PCDH9: variants seen among roughly 807,000 people sequenced by gnomAD.
PCDH9 encodes the protein protocadherin 9.
PCDH9 carries 24 observed loss-of-function variants against 70.6 expected under a neutral mutation model. The observed-to-expected ratio is 0.34, with a 90% CI of 0.25 to 0.48. The LOEUF (loss-of-function observed/expected upper bound fraction) is 0.48. Among genes scored for constraint, PCDH9 ranks in the 20% least tolerant of loss-of-function variants. PCDH9 has a pLI of 0.99. For synonymous variants in PCDH9, 562 were observed against 558.5 expected, an observed-to-expected ratio of 1.01 and a Z score of -0.09; for missense variants, 1,281 against 1,503.6, an observed-to-expected ratio of 0.85 and a Z score of 2.45.
At chr13:66,558,044 A>T (rs928542645) in intron 4 of PCDH9, among the ~76,000 whole-genome samples, 3 of 152,024 alleles carry the variant, frequency 2.0e-5, no homozygotes, top group Admixed American at 6.6e-5. Flanking sequence ...AGTTCCAGCT[A>T]CTCAGGAGCC....
chr13:66,830,529 A>T (rs1047762852), intron 3 of PCDH9, among the ~76,000 whole-genome samples: 2 of 152,220 alleles, frequency 1.3e-5, no homozygotes, highest in African/African-American at 2.4e-5. Context: ...TATAACTAAA[A>T]GTATCAATTA....
intron 3 of PCDH9, among the ~76,000 whole-genome samples, chr13:66,870,937 A>C (rs1452344014): frequency 1.3e-5 from 2 of 152,148 alleles, no homozygotes; most frequent in South Asian, 4.1e-4. Flanking sequence ...ACACATGCAC[A>C]CTTATGTTTA....
chr13:66,759,268 TA>T (rs1162554122), intron 3 of PCDH9, among the ~76,000 whole-genome samples: 6 of 152,228 alleles, frequency 3.9e-5, no homozygotes, highest in Non-Finnish European at 4.4e-5. Context: ...CAGTTTTTTT[TA>T]CTTAAAGCCT....
At chr13:66,464,033 T>C (rs904559777) in intron 4 of PCDH9, among the ~76,000 whole-genome samples, 1 of 151,856 alleles carries the variant, frequency 6.6e-6, no homozygotes, top group African/African-American at 2.4e-5. Context: ...TATTTCTGTT[T>C]TACACTAGGA....
intron 4 of PCDH9, among the ~76,000 whole-genome samples, chr13:66,409,276 C>T (rs908424573): frequency 1.3e-5 from 2 of 152,286 alleles, no homozygotes; most frequent in Middle Eastern, 3.4e-3. Context: ...TGTTCCCTTA[C>T]TGTGAATTCC....
chr13:66,441,291 C>T (rs1435422644), intron 4 of PCDH9, among the ~76,000 whole-genome samples: 1 of 152,056 alleles, frequency 6.6e-6, no homozygotes, highest in Non-Finnish European at 1.5e-5. Flanking sequence ...ACCAGTGTTT[C>T]CAAAAATTAC....
chr13:67,103,329 T>C (rs1317310310), intron 2 of PCDH9, among the ~76,000 whole-genome samples: 1 of 152,196 alleles, frequency 6.6e-6, no homozygotes, highest in Non-Finnish European at 1.5e-5. Flanking sequence ...ATCAATGTGA[T>C]GATCTACAGG....
intron 4 of PCDH9, among the ~76,000 whole-genome samples, chr13:66,445,825 T>TAC (rs5804282): frequency 0.47 from 63,920 of 136,618 alleles, 16,996 homozygotes; most frequent in East Asian, 0.65. Flanking sequence ...TACACATATA[T>TAC]ACACACACAC....
chr13:67,225,644 G>A lies in PCDH9; in HGVS notation c.2797C>T (p.Pro933Ser). 1 of 1,614,126 alleles carries A rather than the reference G, an allele frequency of 6.2e-7. No individual in the cohort carries two copies. The highest frequency in any genetic ancestry group is 8.5e-7 in the Non-Finnish European group (1 of 1,180,012). Residue 933 changes from proline (P) to serine (S), a missense_variant, in exon 2 of 5, where the codon CCT (proline) becomes TCT (serine). Around this residue, in one of 4 missense-constraint regions of PCDH9, gnomAD observed 207 missense variants for 191.8 expected, o/e 1.08. Transcript: ENST00000377865. ...GATTTGTAGTGCTTGGCCAGGTCAG[G>A]ACTGTTAGGCTTGAATGTTGTTGGA... ...APPTTFKPNS[P>S]DLAKHYKSAS...
chr13:67,034,273 G>A (rs998320822), intron 2 of PCDH9, among the ~76,000 whole-genome samples: 34 of 152,024 alleles, frequency 2.2e-4, no homozygotes, highest in African/African-American at 8.0e-4. Context: ...ATGAGCCACC[G>A]TGCCCAGCCA....
At chr13:66,343,394 TATC>T (rs1402730594) in intron 4 of PCDH9, among the ~76,000 whole-genome samples, 1 of 152,178 alleles carries the variant, frequency 6.6e-6, no homozygotes, top group Non-Finnish European at 1.5e-5. Flanking sequence ...TAAATCTGCT[TATC>T]AGCATATTCA....
At chr13:67,006,641 T>C (rs1312772227) in intron 2 of PCDH9, among the ~76,000 whole-genome samples, 3 of 152,352 alleles carry the variant, frequency 2.0e-5, no homozygotes, top group Non-Finnish European at 2.9e-5. Context: ...AGAGATGTTT[T>C]AGCTGTTTAA....
At chr13:66,621,554 A>G (rs376459766) in intron 4 of PCDH9, among the ~76,000 whole-genome samples, 118 of 152,368 alleles carry the variant, frequency 7.7e-4, no homozygotes, top group Middle Eastern at 6.8e-3. Context: ...GTCGGCGTAT[A>G]TGAGTTTTAT....
intron 2 of PCDH9, among the ~76,000 whole-genome samples, chr13:67,024,031 T>C (rs981113052): frequency 2.0e-5 from 3 of 152,238 alleles, no homozygotes; most frequent in African/African-American, 7.2e-5. Flanking sequence ...ACAGTAGCTC[T>C]GGTTGCTGTA....
chr13:66,729,837 C>T (rs1305123115), intron 3 of PCDH9, among the ~76,000 whole-genome samples: 1 of 152,112 alleles, frequency 6.6e-6, no homozygotes, highest in East Asian at 1.9e-4. Flanking sequence ...CTATCCTAAT[C>T]AAGATTTCCA....
At chr13:67,051,030 G>A (rs190923894) in intron 2 of PCDH9, among the ~76,000 whole-genome samples, 193 of 152,184 alleles carry the variant, frequency 1.3e-3, no homozygotes, top group South Asian at 3.3e-3. Flanking sequence ...TCTTTCACTT[G>A]GTTTTTGAAT....
intron 3 of PCDH9, among the ~76,000 whole-genome samples, chr13:66,867,688 G>A (rs1281722026): frequency 6.6e-6 from 1 of 151,860 alleles, no homozygotes; most frequent in East Asian, 1.9e-4. Context: ...TGACAACTTG[G>A]GTTTTGCTAT....
intron 2 of PCDH9, among the ~76,000 whole-genome samples, chr13:67,013,600 C>T (rs1302347788): frequency 6.6e-6 from 1 of 151,798 alleles, no homozygotes; most frequent in East Asian, 1.9e-4. Context: ...ATCATTGAAA[C>T]TCATGCTTCA....
At chr13:67,138,939 T>C (rs999958233) in intron 2 of PCDH9, among the ~76,000 whole-genome samples, 2 of 152,168 alleles carry the variant, frequency 1.3e-5, no homozygotes, top group Admixed American at 6.6e-5. Context: ...TAAAATAATG[T>C]AAAACAATAT....
Sources: allele counts gnomAD v4.1 joint callset (sites outside exome capture counted in the v4.1 genomes callset), GRCh38; gene constraint gnomAD v4.1.1; regional missense constraint gnomAD v4.1.1; transcripts MANE v1.5; gene names NCBI Gene and HGNC (gene_info 2026-07-23, HGNC 2026-07-21).